Variants in TRDN observed in about 807,000 individuals in gnomAD.
The protein encoded by TRDN is triadin, also known as triadin in skeletal muscle.
A neutral mutation model predicts 149.7 loss-of-function variants in TRDN; 161 were observed. The ratio of observed to expected loss-of-function variants is 1.08; its 90% CI spans 0.95 to 1.23. The LOEUF is 1.23. Among genes scored for constraint, TRDN ranks in the 50% most tolerant of loss-of-function variants. TRDN has a pLI of 0.00. For synonymous variants in TRDN, 294 were observed against 250.5 expected, an observed-to-expected ratio of 1.17 and a Z score of -1.64; for missense variants, 896 against 823.5, an observed-to-expected ratio of 1.09 and a Z score of -1.08.
intron 12 of TRDN, among the ~76,000 whole-genome samples, chr6:123,424,695 A>C (rs1774043562): frequency 6.6e-6 from 1 of 152,186 alleles, no homozygotes; most frequent in South Asian, 2.1e-4. Context: ...ATGTGTGATT[A>C]GGACCTCAGT....
chr6:123,301,220 G>C (rs1373819354), intron 24 of TRDN, among the ~76,000 whole-genome samples: 2 of 151,894 alleles, frequency 1.3e-5, no homozygotes, highest in African/African-American at 2.4e-5. Context: ...GAATTGTAGT[G>C]GTATTTTTCA....
At chr6:123,466,267 T>C (rs143148780) in intron 9 of TRDN, among the ~76,000 whole-genome samples, 1 of 152,302 alleles carries the variant, frequency 6.6e-6, no homozygotes, top group East Asian at 1.9e-4. Context: ...AAAAAGAAGG[T>C]TGATCCACAT....
intron 34 of TRDN, 34 bp from the exon 35 acceptor site, chr6:123,259,696 T>C: frequency 7.1e-7 from 1 of 1,418,078 alleles, no homozygotes; most frequent in Non-Finnish European, 9.5e-7. Flanking sequence ...AAACCATCAT[T>C]TTAAAAAACA....
At chr6:123,335,890 T>C (rs771273455) in intron 22 of TRDN, among the ~76,000 whole-genome samples, 1 of 152,066 alleles carries the variant, frequency 6.6e-6, no homozygotes, top group Non-Finnish European at 1.5e-5. Context: ...CTTTTCCTGA[T>C]AGTATGTTTT....
At chr6:123,396,929 C>A (rs767228006) in intron 12 of TRDN, among the ~76,000 whole-genome samples, 2 of 151,982 alleles carry the variant, frequency 1.3e-5, no homozygotes, top group African/African-American at 2.4e-5. Flanking sequence ...GGCAAATGGA[C>A]TGCTACACTG....
At chr6:123,479,581 T>G (rs1562337558) in intron 9 of TRDN, among the ~76,000 whole-genome samples, 1 of 152,140 alleles carries the variant, frequency 6.6e-6, no homozygotes, top group South Asian at 2.1e-4. Context: ...ACAAACAAAA[T>G]GGATGACTTG....
intron 12 of TRDN, among the ~76,000 whole-genome samples, chr6:123,430,518 G>A (rs537629406): frequency 2.0e-5 from 3 of 151,896 alleles, no homozygotes; most frequent in Non-Finnish European, 4.4e-5. Context: ...GGAGGCGGAG[G>A]TTGCAGTAAG....
intron 6 of TRDN, among the ~76,000 whole-genome samples, chr6:123,514,316 C>T (rs533841055): frequency 4.6e-5 from 7 of 152,186 alleles, no homozygotes; most frequent in Admixed American, 2.0e-4. Flanking sequence ...GATTGCACCA[C>T]TGCACTTCAG....
intron 4 of TRDN, among the ~76,000 whole-genome samples, chr6:123,544,679 T>C (rs991937666): frequency 6.6e-6 from 1 of 152,066 alleles, no homozygotes; most frequent in African/African-American, 2.4e-5. Context: ...TGTAATAAAA[T>C]ATAGTATTTT....
At chr6:123,483,792 A>T (rs1308430872) in intron 9 of TRDN, among the ~76,000 whole-genome samples, 2 of 152,224 alleles carry the variant, frequency 1.3e-5, no homozygotes, top group Non-Finnish European at 2.9e-5. Flanking sequence ...CTAGAGATTC[A>T]ATAACTGCTG....
Position 123,218,647 on chromosome 6 carries a change from C to T in TRDN, c.2144G>A (p.Ser715Asn). Residue 715 changes from serine (S) to asparagine (N), a missense_variant, in exon 41 of 41, where the codon AGC becomes AAC. By Grantham distance (46) the Ser-to-Asn change is conservative. Coordinates refer to ENST00000334268, the MANE Select transcript of TRDN (RefSeq NM_006073.4). ...TCCTGGAGAATTTGCTTGACCAGAGCTCTCTCCAGGGCGGTCTGCAGGAGT... is the reference window on the plus strand; with the variant it reads ...TCCTGGAGAATTTGCTTGACCAGAGTTCTCTCCAGGGCGGTCTGCAGGAGT... ...PFTPADRPGESSGQANSPGQK... is the reference protein window; with the variant it reads ...PFTPADRPGENSGQANSPGQK... 6.2e-7 allele frequency: 1 copy of T among 1,611,418 alleles called. No individual in the cohort carries two copies.
At chr6:123,275,709 C>G (rs1299584221) in intron 26 of TRDN, among the ~76,000 whole-genome samples, 1 of 151,976 alleles carries the variant, frequency 6.6e-6, no homozygotes, top group South Asian at 2.1e-4. Context: ...ATATAGAAAG[C>G]CTAGATTGCT....
chr6:123,306,806 A>C (rs552767366), intron 24 of TRDN, among the ~76,000 whole-genome samples: 1 of 152,250 alleles, frequency 6.6e-6, no homozygotes, highest in South Asian at 2.1e-4. Context: ...CTTCCCAAAT[A>C]AAACATGAAA....
At chr6:123,579,442 T>A (rs1400679312) in intron 1 of TRDN, among the ~76,000 whole-genome samples, 1 of 152,226 alleles carries the variant, frequency 6.6e-6, no homozygotes, top group Non-Finnish European at 1.5e-5. Context: ...ATGAATCAAA[T>A]TTATTGATTT....
intron 13 of TRDN, among the ~76,000 whole-genome samples, chr6:123,392,221 G>A (rs781643577): frequency 4.6e-5 from 7 of 152,012 alleles, no homozygotes; most frequent in Non-Finnish European, 7.4e-5. Context: ...CTTGTCCAAT[G>A]TAGTTTAAAT....
At chr6:123,298,141 G>A (rs1203161901) in intron 24 of TRDN, among the ~76,000 whole-genome samples, 1 of 151,990 alleles carries the variant, frequency 6.6e-6, no homozygotes, top group Non-Finnish European at 1.5e-5. Context: ...ATTACAAATA[G>A]TACATAAGCA....
At chr6:123,358,389 T>C (rs1780767293) in intron 20 of TRDN, among the ~76,000 whole-genome samples, 3 of 152,118 alleles carry the variant, frequency 2.0e-5, no homozygotes, top group African/African-American at 7.2e-5. Context: ...AATTCTCCAA[T>C]ACAATTGACA....
At chr6:123,438,453 A>G (rs760634521) in intron 11 of TRDN, among the ~76,000 whole-genome samples, 2 of 152,094 alleles carry the variant, frequency 1.3e-5, no homozygotes, top group African/African-American at 4.8e-5. Context: ...ATGTTCTCTG[A>G]GCTATGAGGT....
At position 123,503,780 on chromosome 6, in the gene TRDN, TG is replaced by T. The variant is rs1440670208; in HGVS notation, c.731del (p.Pro244HisfsTer30). The T allele has an allele frequency of 6.2e-7, 1 of 1,613,602 alleles. No homozygotes were observed. The highest frequency in any genetic ancestry group is 1.3e-5 in the African/African-American group (1 of 75,040). Reference sequence around the variant, plus strand: ...TGTCCTCCTTTTCTTTGGGTTTTGATGGTGTTTTCTGTACTTCTTTTACTTT... The same window carrying T: ...TGTCCTCCTTTTCTTTGGGTTTTGATGTGTTTTCTGTACTTCTTTTACTTT... ...AAKVKEVQKT[P>X]SKPKEKEDKE... On this transcript the variant is annotated frameshift_variant, in exon 8 of 41. Coordinates refer to ENST00000334268, the MANE Select transcript of TRDN (RefSeq NM_006073.4). LOFTEE classifies it high-confidence loss of function.
Sources: allele counts gnomAD v4.1 joint callset (sites outside exome capture counted in the v4.1 genomes callset), GRCh38; gene constraint gnomAD v4.1.1; transcripts MANE v1.5; gene names NCBI Gene and HGNC (gene_info 2026-07-23, HGNC 2026-07-21).